NUMB: variants seen among roughly 807,000 people sequenced by gnomAD.
The protein encoded by NUMB is NUMB endocytic adaptor protein.
NUMB carries 29 observed loss-of-function variants against 59.7 expected under a neutral mutation model. That is an observed-to-expected ratio of 0.49 (90% CI 0.36 to 0.66). The LOEUF (loss-of-function observed/expected upper bound fraction) is 0.66. Ranked by LOEUF, NUMB falls within the 30% of genes least tolerant of loss-of-function variation. The pLI is 0.00. For missense variants in NUMB, 723 were observed against 822.0 expected (o/e 0.88, Z 1.47); for synonymous variants, 288 against 288.2 (o/e 1.00, Z 0.01).
intron 6 of NUMB, among the ~76,000 whole-genome samples, chr14:73,302,279 T>C (rs1178936084): frequency 2.0e-5 from 3 of 152,162 alleles, no homozygotes; most frequent in Admixed American, 2.0e-4. Flanking sequence ...TTGTACATCA[T>C]TATAGTTTGC....
At chr14:73,376,985 T>C (rs1457133153) in intron 2 of NUMB, among the ~76,000 whole-genome samples, 1 of 152,204 alleles carries the variant, frequency 6.6e-6, no homozygotes, top group Non-Finnish European at 1.5e-5. Flanking sequence ...TTTCAACAAA[T>C]GGTGCTGTAG....
chr14:73,388,205 T>C (rs1161255652), intron 2 of NUMB, among the ~76,000 whole-genome samples: 1 of 152,176 alleles, frequency 6.6e-6, no homozygotes, highest in South Asian at 2.1e-4. Flanking sequence ...ATATTGAACA[T>C]TTTCGTTTCA....
intron 4 of NUMB, among the ~76,000 whole-genome samples, chr14:73,335,498 A>C (rs1285684898): frequency 6.6e-6 from 1 of 152,176 alleles, no homozygotes; most frequent in South Asian, 2.1e-4. Context: ...GAAGAATTGC[A>C]GCTGATTTAT....
rs574688950 is a variant in NUMB at position 73,433,815 on chromosome 14, C to T, written c.-232-23747G>A. On this transcript the variant is annotated intron_variant, in intron 1 of 12. Coordinates refer to ENST00000555238, the MANE Select transcript of NUMB (RefSeq NM_001005743.2). ...CTTAGAAATCCCGATTTAGGCCAGG[C>T]GCGGTGGCCCATGCCTGCAATCCCA... Among the ~76,000 whole-genome samples the T allele has an allele frequency of 4.2e-4, 64 of 152,262 alleles. 2 individuals carry two copies. The South Asian group carries it at 7.5e-3, about 18-fold the overall frequency.
intron 4 of NUMB, among the ~76,000 whole-genome samples, chr14:73,341,619 G>T (rs1373704002): frequency 1.3e-5 from 2 of 152,100 alleles, no homozygotes; most frequent in Non-Finnish European, 2.9e-5. Context: ...GTACAGGTAG[G>T]ATCACAGACC....
chr14:73,284,374 G>A lies in NUMB; in HGVS notation c.656C>T (p.Ala219Val). The change falls in exon 10 of 13, where the codon GCT becomes GTT. Residue 219 changes from alanine to valine, a missense_variant and splice_region_variant. Around this residue, in one of 2 missense-constraint regions of NUMB, gnomAD observed 317 missense variants for 436.6 expected, o/e 0.73. Coordinates refer to ENST00000555238, the MANE Select transcript of NUMB (RefSeq NM_001005743.2). Reference sequence around the variant, plus strand: ...ACCAACGACTATCTTATCTGTTTCAGCTCAAGAAAATAAAGAGAATGAAGA... The same window carrying A: ...ACCAACGACTATCTTATCTGTTTCAACTCAAGAAAATAAAGAGAATGAAGA... ...IMKQMQDAKKAETDKIVVGSS... is the reference protein window; with the variant it reads ...IMKQMQDAKKVETDKIVVGSS... 1 of 1,607,246 alleles carries A rather than the reference G, an allele frequency of 6.2e-7. No homozygotes were observed. Among genetic ancestry groups the A allele is most frequent in the Non-Finnish European group, 8.5e-7 (1 of 1,175,770 alleles).
rs774977378 is a variant in NUMB at position 73,287,209 on chromosome 14, G to C, written c.556C>G (p.Arg186Gly). ...CGVTATFDASRTTFTREGSFR... is the reference protein window; with the variant it reads ...CGVTATFDASGTTFTREGSFR... ...GATCCTTCTCTTGTAAAAGTGGTCC[G>C]ACTAGCATCAAAAGTAGCAGTCACT... Residue 186 changes from arginine to glycine, a missense_variant, in exon 9 of 13, where the codon CGG becomes GGG. Coordinates refer to ENST00000555238, the MANE Select transcript of NUMB (RefSeq NM_001005743.2). The C allele has an allele frequency of 1.9e-6, 3 of 1,613,574 alleles. No individual in the cohort carries two copies. Among genetic ancestry groups the C allele is most frequent in the Non-Finnish European group, 2.5e-6 (3 of 1,179,936 alleles).
rs527695445 is a variant in NUMB, at chr14:73,412,238, G to T, written c.-232-2170C>A. 4.6e-4 allele frequency among the ~76,000 whole-genome samples: 70 copies of T among 152,164 alleles called. 1 individual carries two copies. The South Asian group carries it at 0.013, about 28-fold the overall frequency. On this transcript the variant is annotated intron_variant, in intron 1 of 12. Transcript: ENST00000555238. Reference sequence around the variant, plus strand: ...AGCTGGGCAGCTAACATTTAATGGGGACTGATTATTTGCCAAAAGCTCTTC... The same window carrying T: ...AGCTGGGCAGCTAACATTTAATGGGTACTGATTATTTGCCAAAAGCTCTTC...
chr14:73,396,191 T>G (rs1446530199), intron 2 of NUMB, among the ~76,000 whole-genome samples: 2 of 152,158 alleles, frequency 1.3e-5, no homozygotes, highest in Non-Finnish European at 2.9e-5. Flanking sequence ...CAAGTGATCC[T>G]CCTGCCTCAG....
At chr14:73,387,561 C>A (rs1490852600) in intron 2 of NUMB, among the ~76,000 whole-genome samples, 1 of 151,872 alleles carries the variant, frequency 6.6e-6, no homozygotes, top group Non-Finnish European at 1.5e-5. Flanking sequence ...TCCCTTCTGG[C>A]ACAACTGTAA....
chr14:73,278,864 A>C (rs564779033), intron 12 of NUMB, among the ~76,000 whole-genome samples: 29 of 150,078 alleles, frequency 1.9e-4, no homozygotes, highest in African/African-American at 7.1e-4. Context: ...AGTAGCTGGG[A>C]CTATATGCGC....
At chr14:73,372,311 A>ATATATATATATATATATATAACCTTT (rs1894723411) in intron 2 of NUMB, among the ~76,000 whole-genome samples, 27 of 93,714 alleles carry the variant, frequency 2.9e-4, no homozygotes, top group African/African-American at 1.4e-3. Flanking sequence ...TCTTTTATAT[A>ATATATATATATATATATATAACCTTT]TATATATATA....
At chr14:73,455,576 A>G (rs540156773) in intron 1 of NUMB, among the ~76,000 whole-genome samples, 1 of 152,358 alleles carries the variant, frequency 6.6e-6, no homozygotes, top group East Asian at 1.9e-4. Context: ...TCCCAGGTGC[A>G]TTTTGCTGTC....
At chr14:73,436,874 G>A (rs1431748706) in intron 1 of NUMB, among the ~76,000 whole-genome samples, 3 of 151,386 alleles carry the variant, frequency 2.0e-5, no homozygotes, top group African/African-American at 7.3e-5. Context: ...AGCTACTCGG[G>A]AGGCTGAGGC....
At chr14:73,414,722 G>A (rs11845277) in intron 1 of NUMB, among the ~76,000 whole-genome samples, 11 of 150,780 alleles carry the variant, frequency 7.3e-5, no homozygotes, top group African/African-American at 2.2e-4. Flanking sequence ...GGGCGGGTGC[G>A]GGGGGGGCGG....
rs1338352014 is a variant in NUMB, at chr14:73,458,473, C to A, written c.-233+20G>T. 6.5e-6 allele frequency: 1 copy of A among 152,848 alleles called. No homozygotes were observed. 9.5% of individuals were successfully genotyped at this position (152,848 alleles called of 1,614,324 possible). A position where few individuals can be genotyped will look rare whatever the true frequency, so the allele number is the denominator to read the frequency against. ...CCCGCGACGGCCCCCAGATCTCTGACCCGCGTTACCGGCACTCACCTGCCG... is the reference window on the plus strand; with the variant it reads ...CCCGCGACGGCCCCCAGATCTCTGAACCGCGTTACCGGCACTCACCTGCCG... On this transcript the variant is annotated intron_variant, in intron 1 of 12. Coordinates refer to ENST00000555238, the MANE Select transcript of NUMB (RefSeq NM_001005743.2).
intron 4 of NUMB, among the ~76,000 whole-genome samples, chr14:73,332,148 T>A (rs113473045): frequency 0.025 from 3,750 of 152,310 alleles, 85 homozygotes; most frequent in Non-Finnish European, 0.036. Context: ...CACAGGAGGT[T>A]CCAGTTCTAT....
At chr14:73,445,859 C>T (rs542070936) in intron 1 of NUMB, among the ~76,000 whole-genome samples, 2 of 152,212 alleles carry the variant, frequency 1.3e-5, no homozygotes, top group South Asian at 2.1e-4. Context: ...ATAAACTCAG[C>T]CCCCAATGTG....
At chr14:73,443,175 C>T (rs1883190581) in intron 1 of NUMB, among the ~76,000 whole-genome samples, 1 of 152,192 alleles carries the variant, frequency 6.6e-6, no homozygotes, top group Non-Finnish European at 1.5e-5. Flanking sequence ...CCCTGTTTAC[C>T]TTAAATACGT....
Sources: gnomAD v4.1 joint callset for allele counts (sites outside exome capture counted in the v4.1 genomes callset) on GRCh38, gnomAD v4.1.1 for gene constraint, gnomAD v4.1.1 regional missense constraint, MANE v1.5 for transcripts, NCBI Gene and HGNC (gene_info 2026-07-23, HGNC 2026-07-21) for gene names.